The following DPF3 variants were observed in gnomAD, a reference collection of about 807,000 sequenced individuals.
The protein encoded by DPF3 is double PHD fingers 3, also known as zinc finger protein DPF3.
DPF3 carries 18 observed loss-of-function variants against 56.8 expected under a neutral mutation model. The ratio of observed to expected loss-of-function variants is 0.32; its 90% CI spans 0.22 to 0.47. The LOEUF (loss-of-function observed/expected upper bound fraction) is 0.47. Among genes scored for constraint, DPF3 ranks in the 20% least tolerant of loss-of-function variants. DPF3 has a pLI of 1.00. For synonymous variants in DPF3, 188 were observed against 180.2 expected, an observed-to-expected ratio of 1.04 and a Z score of -0.35; for missense variants, 403 against 488.8, an observed-to-expected ratio of 0.82 and a Z score of 1.65.
chr14:72,822,305 T>C (rs572199965), intron 1 of DPF3, among the ~76,000 whole-genome samples: 111 of 152,208 alleles, frequency 7.3e-4, no homozygotes, highest in African/African-American at 2.5e-3. Context: ...CACTTGAACC[T>C]GGAAGCCAGT....
chr14:72,744,843 T>C lies in DPF3; in HGVS notation c.301+8421A>G, dbSNP rs113147261. Among the ~76,000 whole-genome samples, 324 of 152,148 alleles carry C rather than the reference T, an allele frequency of 2.1e-3. 3 individuals carry two copies. The highest frequency in any genetic ancestry group is 7.4e-3 in the African/African-American group (306 of 41,496). ...TCACTGTCCATAGGAGAGTCTGACG[T>C]GGAAAGAAACTCATGCCTTGAGACA... On this transcript the variant is annotated intron_variant, in intron 3 of 10. Transcript: ENST00000556509.
rs574643527 is a variant in DPF3, at chr14:72,681,315, C to T, written c.743-6947G>A. ...AAGTGGGAAGGAGAAATATTGGAGC[C>T]CCTTGGAGAGAAGAAAGCTGTGGTG... is the stretch of plus-strand genomic sequence containing the variant. On this transcript the variant is annotated intron_variant, in intron 7 of 10. Coordinates refer to ENST00000556509, the MANE Select transcript of DPF3 (RefSeq NM_001280542.3). Among the ~76,000 whole-genome samples the T allele has an allele frequency of 2.6e-5, 4 of 152,220 alleles. No individual in the cohort carries two copies. The South Asian group carries it at 6.2e-4, about 24-fold the overall frequency.
At chr14:72,638,896 G>A (rs982319651) in intron 8 of DPF3, among the ~76,000 whole-genome samples, 4 of 149,878 alleles carry the variant, frequency 2.7e-5, no homozygotes, top group South Asian at 2.1e-4. Context: ...GGCTCACTGC[G>A]AGCTCTGCCT....
At chr14:72,757,194 C>T (rs1858528776) in intron 2 of DPF3, among the ~76,000 whole-genome samples, 1 of 152,092 alleles carries the variant, frequency 6.6e-6, no homozygotes, top group South Asian at 2.1e-4. Flanking sequence ...TTTCATCTTT[C>T]CCCATCCAGA....
chr14:72,723,102 T>A (rs1420499772), intron 5 of DPF3, among the ~76,000 whole-genome samples: 1 of 152,190 alleles, frequency 6.6e-6, no homozygotes, highest in Non-Finnish European at 1.5e-5. Context: ...TAGTTACATA[T>A]GCATACATGT....
intron 9 of DPF3, among the ~76,000 whole-genome samples, chr14:72,621,225 C>G (rs1040599728): frequency 6.6e-6 from 1 of 152,100 alleles, no homozygotes; most frequent in Non-Finnish European, 1.5e-5. Context: ...CCCTTTATCC[C>G]CTTTATGGAC....
At chr14:72,842,103 A>G (rs2140069447) in intron 1 of DPF3, among the ~76,000 whole-genome samples, 1 of 151,760 alleles carries the variant, frequency 6.6e-6, no homozygotes, top group African/African-American at 2.4e-5. Flanking sequence ...AAAAAAAAAA[A>G]AAACCTCAAA....
chr14:72,852,691 C>T (rs989600354), intron 1 of DPF3, among the ~76,000 whole-genome samples: 2 of 152,190 alleles, frequency 1.3e-5, no homozygotes, highest in African/African-American at 2.4e-5. Context: ...ATTGGTCAAA[C>T]GTTATAAAAA....
chr14:72,740,541 TC>T (rs1190597280), intron 3 of DPF3, among the ~76,000 whole-genome samples: 1 of 152,080 alleles, frequency 6.6e-6, no homozygotes, highest in Non-Finnish European at 1.5e-5. Flanking sequence ...GCAGGGGGCT[TC>T]CCCACCAGTG....
chr14:72,856,127 T>C (rs1480333175), intron 1 of DPF3, among the ~76,000 whole-genome samples: 1 of 152,220 alleles, frequency 6.6e-6, no homozygotes. Flanking sequence ...GGGCACTTCT[T>C]TGGACTTACT....
At chr14:72,861,747 GAAAGAAAGAAAGAAAGAAAGAA>G (rs1469651456) in intron 1 of DPF3, among the ~76,000 whole-genome samples, 3 of 15,624 alleles carry the variant, frequency 1.9e-4, no homozygotes, top group African/African-American at 3.6e-4. Context: ...GAGAAAGAAA[GAAAGAAAGAAAGAAAGAAAGAA>G]AGAAAGAAAG....
At chr14:72,793,685 A>G (rs1892530132) in intron 1 of DPF3, among the ~76,000 whole-genome samples, 1 of 152,208 alleles carries the variant, frequency 6.6e-6, no homozygotes, top group Non-Finnish European at 1.5e-5. Flanking sequence ...GCCCCAGGGG[A>G]GAGAGAGACA....
At chr14:72,626,535 A>G (rs1249327029) in intron 9 of DPF3, among the ~76,000 whole-genome samples, 9 of 152,150 alleles carry the variant, frequency 5.9e-5, no homozygotes, top group Admixed American at 5.9e-4. Flanking sequence ...ACAGCTGTAT[A>G]GTACTCCACT....
At chr14:72,763,893 A>G (rs1891157738) in intron 2 of DPF3, among the ~76,000 whole-genome samples, 1 of 152,254 alleles carries the variant, frequency 6.6e-6, no homozygotes, top group South Asian at 2.1e-4. Flanking sequence ...AATAATAAGC[A>G]AATAGCTCAA....
intron 3 of DPF3, among the ~76,000 whole-genome samples, chr14:72,738,389 A>G (rs1294969581): frequency 6.6e-6 from 1 of 152,060 alleles, no homozygotes; most frequent in African/African-American, 2.4e-5. Flanking sequence ...CCTCCCCCAT[A>G]TGGCCTCTGC....
chr14:72,692,671 T>A (rs538782333), intron 7 of DPF3, among the ~76,000 whole-genome samples: 2 of 152,322 alleles, frequency 1.3e-5, no homozygotes, highest in Admixed American at 1.3e-4. Flanking sequence ...AGGCACTTCG[T>A]AGCCAAGCAG....
At chr14:72,679,666 C>T (rs922772007) in intron 7 of DPF3, among the ~76,000 whole-genome samples, 4 of 152,270 alleles carry the variant, frequency 2.6e-5, no homozygotes, top group African/African-American at 9.6e-5. Flanking sequence ...GTTTCCATGG[C>T]AACCGGAATC....
intron 7 of DPF3, among the ~76,000 whole-genome samples, chr14:72,683,827 C>T (rs1887279250): frequency 6.6e-6 from 1 of 152,124 alleles, no homozygotes; most frequent in African/African-American, 2.4e-5. Flanking sequence ...GGTAGGGTGG[C>T]CACGCATCCA....
intron 1 of DPF3, among the ~76,000 whole-genome samples, chr14:72,802,797 C>T (rs919448922): frequency 2.6e-5 from 4 of 152,204 alleles, no homozygotes; most frequent in South Asian, 2.1e-4. Flanking sequence ...CTATTCCTCA[C>T]GGTGAATTCT....
Sources: gnomAD v4.1 joint callset for allele counts (sites outside exome capture counted in the v4.1 genomes callset) on GRCh38, gnomAD v4.1.1 for gene constraint, MANE v1.5 for transcripts, NCBI Gene and HGNC (gene_info 2026-07-23, HGNC 2026-07-21) for gene names.